FSHR: variants seen among roughly 807,000 people sequenced by gnomAD.
FSHR encodes follicle stimulating hormone receptor.
In FSHR, 46 loss-of-function variants were observed where a neutral mutation model predicts 52.1. That is an observed-to-expected ratio of 0.88 (90% CI 0.70 to 1.13). The LOEUF is 1.13. Among genes scored for constraint, FSHR ranks in the 50% most tolerant of loss-of-function variants. FSHR has a pLI of 0.00. For synonymous variants in FSHR, 399 were observed against 309.6 expected (o/e 1.29, Z -3.03); for missense variants, 964 against 834.6 (o/e 1.16, Z -1.91).
chr2:49,101,819 C>T (rs1355804172), intron 1 of FSHR, among the ~76,000 whole-genome samples: 1 of 152,100 alleles, frequency 6.6e-6, no homozygotes, highest in Non-Finnish European at 1.5e-5. Context: ...GGTCAAGGGG[C>T]CACATCTGAT....
intron 2 of FSHR, among the ~76,000 whole-genome samples, chr2:49,058,627 C>A (rs1286254825): frequency 6.6e-6 from 1 of 151,108 alleles, no homozygotes; most frequent in Non-Finnish European, 1.5e-5. Context: ...AATCAACCAA[C>A]AAAAATCAGT....
chr2:48,963,537 T>G lies in FSHR; in HGVS notation c.1284A>C (p.Gln428His). 1.2e-6 allele frequency: 2 copies of G among 1,614,198 alleles called. No homozygotes were observed. The highest frequency in any genetic ancestry group is 1.7e-6 in the Non-Finnish European group (2 of 1,180,016). The change falls in exon 10 of 10, where the codon CAA becomes CAC. Residue 428 changes from glutamine (Q) to histidine (H), a missense_variant. Coordinates refer to ENST00000406846, the MANE Select transcript of FSHR (RefSeq NM_000145.4). ...GCCAGTCAATGGCATAGTTGTGATA[T>G]TGGCTCTTGGTATGGATATCAACTG... The part of the protein sequence containing the change: ...IASVDIHTKS[Q>H]YHNYAIDWQT...
intron 4 of FSHR, among the ~76,000 whole-genome samples, chr2:48,996,914 G>C (rs1299330681): frequency 6.6e-6 from 1 of 152,074 alleles, no homozygotes; most frequent in Non-Finnish European, 1.5e-5. Context: ...ACTTTATGAG[G>C]CTTGCTAATA....
intron 8 of FSHR, among the ~76,000 whole-genome samples, chr2:48,972,064 A>T (rs538460616): frequency 6.6e-6 from 1 of 152,154 alleles, no homozygotes; most frequent in African/African-American, 2.4e-5. Flanking sequence ...GTCATATTCA[A>T]TTGCCTCCTT....
intron 2 of FSHR, among the ~76,000 whole-genome samples, chr2:49,027,806 T>G (rs967664218): frequency 2.2e-5 from 3 of 136,848 alleles, no homozygotes; most frequent in Non-Finnish European, 3.0e-5. Context: ...GCTGAGATTG[T>G]GCGGCTGCAC....
intron 6 of FSHR, among the ~76,000 whole-genome samples, chr2:48,988,545 A>C (rs1384503183): frequency 3.7e-4 from 57 of 152,234 alleles, no homozygotes; most frequent in Non-Finnish European, 4.4e-5. Flanking sequence ...GAAAATGAGA[A>C]GTCATCCTAT....
At chr2:49,101,563 A>G (rs1225448312) in intron 1 of FSHR, among the ~76,000 whole-genome samples, 2 of 152,162 alleles carry the variant, frequency 1.3e-5, no homozygotes, top group African/African-American at 4.8e-5. Flanking sequence ...AGGCAAGAAC[A>G]TTTACTCCAA....
intron 1 of FSHR, among the ~76,000 whole-genome samples, chr2:49,127,086 G>C (rs1209417000): frequency 6.6e-6 from 1 of 152,200 alleles, no homozygotes; most frequent in Non-Finnish European, 1.5e-5. Flanking sequence ...CCAGCCGTTT[G>C]GGAGACCGAG....
Position 49,076,891 on chromosome 2 carries a change from C to T in FSHR, c.153-8601G>A, listed in dbSNP as rs561897882. 7.2e-5 allele frequency among the ~76,000 whole-genome samples: 11 copies of T among 152,306 alleles called. No homozygotes were observed. In the South Asian group the frequency reaches 1.4e-3, roughly 20 times the overall value. On this transcript the variant is annotated intron_variant, in intron 1 of 9. Coordinates refer to ENST00000406846, the MANE Select transcript of FSHR (RefSeq NM_000145.4). ...AATGATCTGTTTTGACTCCATTTCT[C>T]ACATCCAGGTCACAGTAATGTAAGA...
chr2:48,997,213 T>C, intron 4 of FSHR: 14 of 984,820 alleles, frequency 1.4e-5, no homozygotes, highest in Non-Finnish European at 1.7e-5. Flanking sequence ...TGTAAAATGA[T>C]TTTGTGTAAG....
At chr2:49,100,506 A>G (rs1447776457) in intron 1 of FSHR, among the ~76,000 whole-genome samples, 5 of 152,214 alleles carry the variant, frequency 3.3e-5, no homozygotes, top group Non-Finnish European at 7.3e-5. Context: ...TCTGGAAAAA[A>G]GGAAAGTCTC....
At chr2:49,064,359 C>T (rs1239247624) in intron 2 of FSHR, among the ~76,000 whole-genome samples, 1 of 152,044 alleles carries the variant, frequency 6.6e-6, no homozygotes, top group East Asian at 1.9e-4. Flanking sequence ...AGGGCCCATC[C>T]CCATGAAGAG....
In FSHR at chr2:49,046,185, A is replaced by G. The variant is rs575302961; in HGVS notation, c.224+22034T>C. Among the ~76,000 whole-genome samples, 4 of 152,320 alleles carry G rather than the reference A, an allele frequency of 2.6e-5. No individual in the cohort carries two copies. The South Asian group carries it at 8.3e-4, about 32-fold the overall frequency. The stretch of plus-strand genomic sequence containing the variant: ...TAAGGGGTATATGAGGCATTTTGAA[A>G]TTATAAAATAGGATAGCCACATGAA... On this transcript the variant is annotated intron_variant, in intron 2 of 9. Transcript: ENST00000406846.
At chr2:48,969,215 G>A (rs1385910066) in intron 8 of FSHR, among the ~76,000 whole-genome samples, 1 of 152,196 alleles carries the variant, frequency 6.6e-6, no homozygotes, top group African/African-American at 2.4e-5. Context: ...ATTTGTACCT[G>A]CTAATTTGCA....
At chr2:49,135,334 A>G (rs1197701597) in intron 1 of FSHR, among the ~76,000 whole-genome samples, 1 of 152,170 alleles carries the variant, frequency 6.6e-6, no homozygotes, top group Non-Finnish European at 1.5e-5. Flanking sequence ...ACTCACAAAT[A>G]TGTCAAAATT....
intron 1 of FSHR, among the ~76,000 whole-genome samples, chr2:49,085,079 T>C (rs62162099): frequency 0.013 from 2,051 of 152,236 alleles, 19 homozygotes; most frequent in Non-Finnish European, 0.021. Context: ...TGATGAACAT[T>C]GATGCAAAAA....
At chr2:48,995,680 C>T (rs2104122364) in intron 4 of FSHR, among the ~76,000 whole-genome samples, 1 of 152,170 alleles carries the variant, frequency 6.6e-6, no homozygotes, top group Admixed American at 6.5e-5. Flanking sequence ...AGAGCTGGCC[C>T]ATGTTTTCAC....
chr2:49,127,422 G>T (rs556193386), intron 1 of FSHR, among the ~76,000 whole-genome samples: 1 of 151,962 alleles, frequency 6.6e-6, no homozygotes, highest in South Asian at 2.1e-4. Context: ...GAAGTAGCAA[G>T]AAAAGTGCAT....
chr2:49,118,357 C>G (rs1289313588), intron 1 of FSHR, among the ~76,000 whole-genome samples: 1 of 152,090 alleles, frequency 6.6e-6, no homozygotes, highest in African/African-American at 2.4e-5. Context: ...TCTCCCCCTC[C>G]TCAACTCAAC....
Sources: allele counts gnomAD v4.1 joint callset (sites outside exome capture counted in the v4.1 genomes callset), GRCh38; gene constraint gnomAD v4.1.1; transcripts MANE v1.5; gene names NCBI Gene and HGNC (gene_info 2026-07-23, HGNC 2026-07-21).